The following SPAG16 variants were observed in gnomAD, a reference collection of about 807,000 sequenced individuals.
The protein encoded by SPAG16 is sperm associated antigen 16, also known as sperm-associated antigen 16 protein.
A neutral mutation model predicts 80.4 loss-of-function variants in SPAG16; 86 were observed. The observed-to-expected ratio is 1.07, with a 90% CI of 0.90 to 1.28. The LOEUF (loss-of-function observed/expected upper bound fraction) is 1.28, where lower values mean the gene tolerates loss of function less well. SPAG16 is among the 50% of genes most tolerant of loss of function. The pLI is 0.00. For missense variants in SPAG16, 870 were observed against 765.3 expected (o/e 1.14, Z -1.61); for synonymous variants, 294 against 265.9 (o/e 1.11, Z -1.03).
At chr2:214,017,288 C>T (rs1410118672) in intron 13 of SPAG16, among the ~76,000 whole-genome samples, 1 of 152,084 alleles carries the variant, frequency 6.6e-6, no homozygotes, top group Non-Finnish European at 1.5e-5. Context: ...GAGTTTGCTC[C>T]TGCTAATGGA....
rs1227890805 is a variant in SPAG16 at position 214,059,198 on chromosome 2, ATATATATATATATATATG to A, written c.1527+45125_1527+45142del. Among the ~76,000 whole-genome samples the A allele has an allele frequency of 2.9e-3, 148 of 51,188 alleles. 2 individuals are homozygous for A. The highest frequency in any genetic ancestry group is 0.011 in the African/African-American group (143 of 13,078). The allele number at this position is 51,188 out of a possible 152,430, so 33.6% of individuals were successfully genotyped here. A position where few individuals can be genotyped will look rare whatever the true frequency, so the allele number is the denominator to read the frequency against. ...TCTCTCTCTCTGTCTATATATATAT[ATATATATATATATATATG>A]TATGTGTATATATATATATATATAT... On this transcript the variant is annotated intron_variant, in intron 13 of 15. Coordinates refer to ENST00000331683, the MANE Select transcript of SPAG16 (RefSeq NM_024532.5).
At chr2:213,906,944 T>C (rs1194754489) in intron 11 of SPAG16, among the ~76,000 whole-genome samples, 1 of 141,696 alleles carries the variant, frequency 7.1e-6, no homozygotes, top group Non-Finnish European at 1.6e-5. Flanking sequence ...CAGGACATTA[T>C]TCTAGACAAA....
chr2:213,800,726 T>G (rs751458799), intron 10 of SPAG16, among the ~76,000 whole-genome samples: 1 of 152,206 alleles, frequency 6.6e-6, no homozygotes, highest in Non-Finnish European at 1.5e-5. Context: ...ACAGGTATAC[T>G]ACATCCAAAA....
chr2:213,589,021 T>A (rs2060584871), intron 10 of SPAG16, among the ~76,000 whole-genome samples: 1 of 152,068 alleles, frequency 6.6e-6, no homozygotes, highest in African/African-American at 2.4e-5. Context: ...TTCATAACTT[T>A]TTAAAATTTA....
intron 15 of SPAG16, among the ~76,000 whole-genome samples, chr2:214,350,833 G>A (rs1421598793): frequency 6.6e-6 from 1 of 152,096 alleles, no homozygotes; most frequent in Non-Finnish European, 1.5e-5. Context: ...ATGTGTAATA[G>A]GAGATCTCTA....
chr2:214,149,218 A>G lies in SPAG16; in HGVS notation c.1672A>G (p.Ile558Val), dbSNP rs1440090543. 2.5e-6 allele frequency: 4 copies of G among 1,599,850 alleles called. No homozygotes were observed. Among genetic ancestry groups the G allele is most frequent in the African/African-American group, 2.7e-5 (2 of 74,596 alleles). The change falls in exon 15 of 16, where the codon ATC (isoleucine) becomes GTC (valine). Residue 558 changes from isoleucine to valine, a missense_variant. Coordinates refer to ENST00000331683, the MANE Select transcript of SPAG16 (RefSeq NM_024532.5). ...DFRKLLPIVSIDIGPSPGNEV... is the reference protein window; with the variant it reads ...DFRKLLPIVSVDIGPSPGNEV... ...TCGGAAGCTGTTACCAATTGTGTCC[A>G]TCGATATAGGTCCAAGTCCTGGCAA...
intron 12 of SPAG16, 95 bp downstream of exon 12, chr2:213,930,240 C>A: frequency 1.2e-6 from 1 of 858,406 alleles, no homozygotes; most frequent in Admixed American, 3.2e-5. Context: ...TGATGCTACC[C>A]CAGGGAAACA....
At chr2:213,680,484 A>T (rs2064325615) in intron 10 of SPAG16, among the ~76,000 whole-genome samples, 1 of 152,006 alleles carries the variant, frequency 6.6e-6, no homozygotes, top group South Asian at 2.1e-4. Flanking sequence ...AAGGGCTCTT[A>T]TGGATGTCCA....
chr2:213,978,055 G>A lies in SPAG16; in HGVS notation c.1401-35896G>A, dbSNP rs140534603. Reference sequence around the variant, plus strand: ...AGGGCTTTTTTTTTTTCACCACAGAGTACTATGAGACACCCCTTTTAACTT... The same window carrying A: ...AGGGCTTTTTTTTTTTCACCACAGAATACTATGAGACACCCCTTTTAACTT... On this transcript the variant is annotated intron_variant, in intron 12 of 15. Coordinates refer to ENST00000331683, the MANE Select transcript of SPAG16 (RefSeq NM_024532.5). Among the ~76,000 whole-genome samples the A allele has an allele frequency of 6.4e-4, 97 of 151,004 alleles. 1 individual carries two copies. The highest frequency in any genetic ancestry group is 2.1e-3 in the African/African-American group (88 of 41,142).
chr2:214,112,373 C>T (rs60445909), intron 14 of SPAG16, among the ~76,000 whole-genome samples: 4,236 of 152,012 alleles, frequency 0.028, 205 homozygotes, highest in African/African-American at 0.098. Flanking sequence ...CCTTGTTAAC[C>T]TTCTGTCTCA....
chr2:213,364,290 G>C (rs545040958), intron 8 of SPAG16, 145 bp downstream of exon 8: 7 of 408,036 alleles, frequency 1.7e-5, no homozygotes, highest in Middle Eastern at 3.4e-4. Context: ...AGATTAAGAA[G>C]AAATATAGAT....
Position 214,408,705 on chromosome 2 carries a change from T to G in SPAG16, c.1721-1435T>G, listed in dbSNP as rs1702133841. ...AATGCTATTTTCACAATATATCACT[T>G]ACCTAAAATCTGTCAAGAAGGCATC... is the stretch of plus-strand genomic sequence containing the variant. On this transcript the variant is annotated intron_variant, in intron 15 of 15. Coordinates refer to ENST00000331683, the MANE Select transcript of SPAG16 (RefSeq NM_024532.5). Among the ~76,000 whole-genome samples the G allele has an allele frequency of 2.0e-5, 3 of 152,308 alleles. No individual in the cohort carries two copies. In the South Asian group the frequency reaches 6.2e-4, roughly 32 times the overall value.
chr2:213,296,968 A>G, intron 2 of SPAG16: 5 of 917,274 alleles, frequency 5.5e-6, no homozygotes, highest in Non-Finnish European at 7.2e-6. Context: ...GGTGATATTT[A>G]GATAGCCTTA....
intron 10 of SPAG16, among the ~76,000 whole-genome samples, chr2:213,818,986 A>G (rs988937224): frequency 2.6e-5 from 4 of 152,130 alleles, no homozygotes; most frequent in African/African-American, 7.2e-5. Context: ...TAGTAACTTC[A>G]TAGCAGTGTG....
At chr2:214,201,616 G>A (rs2058011707) in intron 15 of SPAG16, among the ~76,000 whole-genome samples, 1 of 152,126 alleles carries the variant, frequency 6.6e-6, no homozygotes, top group Non-Finnish European at 1.5e-5. Context: ...GTGTGCTACT[G>A]AGGTCATATG....
At chr2:213,729,988 C>T (rs1353458063) in intron 10 of SPAG16, among the ~76,000 whole-genome samples, 2 of 152,222 alleles carry the variant, frequency 1.3e-5, no homozygotes, top group Non-Finnish European at 2.9e-5. Flanking sequence ...TGCAGACACT[C>T]TTGCTCCAAA....
intron 10 of SPAG16, among the ~76,000 whole-genome samples, chr2:213,622,703 AG>A (rs1161436624): frequency 6.6e-6 from 1 of 152,210 alleles, no homozygotes; most frequent in Non-Finnish European, 1.5e-5. Context: ...CATATTAAGT[AG>A]GACTCTTCTG....
intron 15 of SPAG16, among the ~76,000 whole-genome samples, chr2:214,367,806 CT>C (rs888216702): frequency 8.5e-5 from 13 of 152,128 alleles, no homozygotes; most frequent in Non-Finnish European, 1.5e-4. Flanking sequence ...CCCAGCTCCA[CT>C]TTTTTTCCTT....
intron 9 of SPAG16, among the ~76,000 whole-genome samples, chr2:213,402,892 G>A (rs2068399547): frequency 1.3e-5 from 2 of 152,166 alleles, no homozygotes; most frequent in Non-Finnish European, 2.9e-5. Flanking sequence ...AACATAATGT[G>A]TGCATGTGTC....
Sources: allele counts gnomAD v4.1 joint callset (sites outside exome capture counted in the v4.1 genomes callset), GRCh38; gene constraint gnomAD v4.1.1; transcripts MANE v1.5; gene names NCBI Gene and HGNC (gene_info 2026-07-23, HGNC 2026-07-21).